PPP1R1C: variants seen among roughly 807,000 people sequenced by gnomAD.
PPP1R1C encodes the protein protein phosphatase 1 regulatory inhibitor subunit 1C, also known as protein phosphatase 1 regulatory subunit 1C.
A neutral mutation model predicts 17.4 loss-of-function variants in PPP1R1C; 15 were observed. The observed-to-expected ratio is 0.86, with a 90% CI of 0.58 to 1.33. The LOEUF (loss-of-function observed/expected upper bound fraction) is 1.33. Among genes scored for constraint, PPP1R1C ranks in the 40% most tolerant of loss-of-function variants. PPP1R1C has a pLI of 0.00. For synonymous variants in PPP1R1C, 35 were observed against 43.1 expected, an observed-to-expected ratio of 0.81 and a Z score of 0.73; for missense variants, 143 against 130.0, an observed-to-expected ratio of 1.10 and a Z score of -0.48.
At chr2:182,100,876 G>A (rs1316196833) in intron 4 of PPP1R1C, among the ~76,000 whole-genome samples, 2 of 152,184 alleles carry the variant, frequency 1.3e-5, no homozygotes, top group Non-Finnish European at 2.9e-5. Flanking sequence ...ATGGAGGAAG[G>A]ATCGCGATTG....
At chr2:182,107,697 C>T (rs765994702) in intron 4 of PPP1R1C, among the ~76,000 whole-genome samples, 7 of 152,124 alleles carry the variant, frequency 4.6e-5, no homozygotes, top group Non-Finnish European at 8.8e-5. Context: ...CTCTCTTCCA[C>T]TCTCTGAGAT....
At position 181,986,203 on chromosome 2, in the gene PPP1R1C, T is replaced by A; in HGVS notation, c.81+12T>A. ...AAGCAGCAGAGCAGGTATGTGAAAT[T>A]GCATGGAGAACCATTCCTGTACATA... On this transcript the variant is annotated intron_variant, in intron 1 of 4. Transcript: ENST00000682840. 3 of 1,594,522 alleles carry A rather than the reference T, an allele frequency of 1.9e-6. No homozygotes were observed. Among genetic ancestry groups the A allele is most frequent in the South Asian group, 2.2e-5 (2 of 90,704 alleles).
At chr2:182,045,499 G>T (rs899422024) in intron 2 of PPP1R1C, among the ~76,000 whole-genome samples, 4 of 150,666 alleles carry the variant, frequency 2.7e-5, no homozygotes, top group Middle Eastern at 3.2e-3. Flanking sequence ...GCCATGAAAA[G>T]ATTACCACTT....
chr2:181,959,538 T>C (rs560058749), intron 1 of PPP1R1C, among the ~76,000 whole-genome samples: 1 of 152,326 alleles, frequency 6.6e-6, no homozygotes, highest in African/African-American at 2.4e-5. Context: ...GTCTTTAGCC[T>C]AGAACTTTCT....
upstream of PPP1R1C, among the ~76,000 whole-genome samples, chr2:181,983,841 G>A (rs1685238789): frequency 6.6e-6 from 1 of 152,080 alleles, no homozygotes; most frequent in Admixed American, 6.6e-5. Flanking sequence ...AATCTACAAA[G>A]GCTTCCTAGA....
chr2:181,990,060 AC>A (rs774886910), intron 2 of PPP1R1C, among the ~76,000 whole-genome samples: 52 of 152,206 alleles, frequency 3.4e-4, no homozygotes, highest in Non-Finnish European at 6.6e-4. Flanking sequence ...AAAAAAGAAC[AC>A]TAAACCAAAT....
At chr2:181,988,154 G>A (rs1271814977) in intron 2 of PPP1R1C, among the ~76,000 whole-genome samples, 2 of 152,252 alleles carry the variant, frequency 1.3e-5, no homozygotes, top group African/African-American at 4.8e-5. Flanking sequence ...AGCACTGGCT[G>A]TCATATGTTC....
At chr2:182,058,652 G>A (rs1387964854) in intron 2 of PPP1R1C, among the ~76,000 whole-genome samples, 2 of 152,068 alleles carry the variant, frequency 1.3e-5, no homozygotes, top group Non-Finnish European at 2.9e-5. Flanking sequence ...CACACATGAG[G>A]AAAACTCTGT....
chr2:181,981,500 G>A (rs1300451593), upstream of PPP1R1C, among the ~76,000 whole-genome samples: 2 of 152,204 alleles, frequency 1.3e-5, no homozygotes, highest in African/African-American at 2.4e-5. Context: ...TTTCCATGGG[G>A]GAAATTTAAT....
At chr2:182,050,451 T>A (rs1233296705) in intron 2 of PPP1R1C, among the ~76,000 whole-genome samples, 1 of 152,234 alleles carries the variant, frequency 6.6e-6, no homozygotes, top group Non-Finnish European at 1.5e-5. Context: ...TATTTCAGTT[T>A]GGTCTTTTGG....
rs374946256 is a variant in PPP1R1C, at chr2:182,107,802, C to G, written c.242-9405C>G. On this transcript the variant is annotated intron_variant, in intron 4 of 4. Coordinates refer to ENST00000682840, the MANE Select transcript of PPP1R1C (RefSeq NM_001080545.3). ...AGCTTGCTTTCTACTTTGAGAAAAC[C>G]AAAGCCATGAGAAGAGAACTTTTGG... 5.9e-5 allele frequency among the ~76,000 whole-genome samples: 9 copies of G among 152,176 alleles called. No homozygotes were observed. In the South Asian group the frequency reaches 8.3e-4, roughly 14 times the overall value.
chr2:182,063,644 G>T (rs1263456098), intron 3 of PPP1R1C, 87 bp from the exon 4 acceptor site: 12 of 978,132 alleles, frequency 1.2e-5, no homozygotes. Context: ...TCATAACATG[G>T]CACAGTATTT....
chr2:182,020,709 A>C (rs1686396232), intron 2 of PPP1R1C, among the ~76,000 whole-genome samples: 1 of 152,134 alleles, frequency 6.6e-6, no homozygotes, highest in Admixed American at 6.5e-5. Flanking sequence ...CTGCTTTTTA[A>C]AGTGAGTAGG....
chr2:182,048,228 G>A (rs906693219), intron 2 of PPP1R1C, among the ~76,000 whole-genome samples: 1 of 152,068 alleles, frequency 6.6e-6, no homozygotes, highest in Non-Finnish European at 1.5e-5. Context: ...GGTGGTTTCA[G>A]TTTGGGCCCC....
chr2:182,021,330 T>C (rs1165070795), intron 2 of PPP1R1C, among the ~76,000 whole-genome samples: 7 of 137,334 alleles, frequency 5.1e-5, no homozygotes, highest in South Asian at 4.8e-4. Context: ...TCTTTTTTTT[T>C]TTTTTTTTTT....
intron 2 of PPP1R1C, among the ~76,000 whole-genome samples, chr2:182,034,924 C>T (rs548790635): frequency 6.6e-6 from 1 of 152,310 alleles, no homozygotes; most frequent in Non-Finnish European, 1.5e-5. Flanking sequence ...GAACTGTACT[C>T]CTGTGGCTCC....
chr2:182,114,296 A>G (rs1231650312), intron 4 of PPP1R1C, among the ~76,000 whole-genome samples: 1 of 152,180 alleles, frequency 6.6e-6, no homozygotes, highest in Non-Finnish European at 1.5e-5. Context: ...GCTTATTAGC[A>G]TCTGGCAGAG....
intron 2 of PPP1R1C, among the ~76,000 whole-genome samples, chr2:182,027,816 A>C: frequency 6.8e-6 from 1 of 147,064 alleles, no homozygotes; most frequent in Non-Finnish European, 1.5e-5. Context: ...CTCTGGTAGA[A>C]TTCGGCTGTG....
downstream of PPP1R1C, among the ~76,000 whole-genome samples, chr2:182,119,544 TCTCCACATCC>T (rs1455420811): frequency 2.0e-5 from 3 of 152,206 alleles, no homozygotes; most frequent in African/African-American, 7.2e-5. Context: ...TGTTCCTATT[TCTCCACATCC>T]TCTCCAGCAC....
Sources: gnomAD v4.1 joint callset for allele counts (sites outside exome capture counted in the v4.1 genomes callset) on GRCh38, gnomAD v4.1.1 for gene constraint, MANE v1.5 for transcripts, NCBI Gene and HGNC (gene_info 2026-07-23, HGNC 2026-07-21) for gene names.